Variants in TMPRSS15 observed in about 807,000 individuals in gnomAD.
TMPRSS15 encodes enteropeptidase.
TMPRSS15 carries 128 observed loss-of-function variants against 125.3 expected under a neutral mutation model. That is an observed-to-expected ratio of 1.02 (90% CI 0.89 to 1.18). TMPRSS15 has a LOEUF of 1.18. Ranked by LOEUF, TMPRSS15 falls within the 50% of genes most tolerant of loss-of-function variation. The pLI is 0.00. For missense variants in TMPRSS15, 1,283 were observed against 1,212.7 expected (o/e 1.06, Z -0.86); for synonymous variants, 446 against 423.2 (o/e 1.05, Z -0.66).
rs541970861 is a variant in TMPRSS15, at chr21:18,295,238, C to T, written c.2262-586G>A. Among the ~76,000 whole-genome samples the T allele has an allele frequency of 2.6e-5, 4 of 152,306 alleles. No individual in the cohort carries two copies. The South Asian group carries it at 6.2e-4, about 24-fold the overall frequency. ...TAAAAGAAAGCACAGGCAAAAATTA[C>T]TGAAAACTCATCACCTGCTTAGAAA... On this transcript the variant is annotated intron_variant, in intron 19 of 24. Coordinates refer to ENST00000284885, the MANE Select transcript of TMPRSS15 (RefSeq NM_002772.3).
At chr21:18,365,743 C>CT (rs36165986) in intron 6 of TMPRSS15, among the ~76,000 whole-genome samples, 20,488 of 83,838 alleles carry the variant, frequency 0.24, 3,318 homozygotes, top group Non-Finnish European at 0.3. Flanking sequence ...CTCTTTTTTC[C>CT]TTTTTTTTTT....
chr21:18,297,974 T>C (rs2074926117), intron 18 of TMPRSS15, 145 bp from the exon 19 acceptor site: 7 of 619,396 alleles, frequency 1.1e-5, no homozygotes, highest in Non-Finnish European at 1.7e-5. Context: ...ATATAAAACT[T>C]CATGTGTTTT....
intron 1 of TMPRSS15, among the ~76,000 whole-genome samples, chr21:18,470,445 G>A (rs890196465): frequency 6.6e-6 from 1 of 151,950 alleles, no homozygotes; most frequent in Admixed American, 6.6e-5. Context: ...TAGATGACAC[G>A]AAGAACTCTT....
At position 18,352,960 on chromosome 21, in the gene TMPRSS15, T is replaced by A; in HGVS notation, c.1114A>T (p.Ser372Cys). ...DDNEWERIQG[S>C]TFSPFTGPNF... is the part of the protein sequence containing the mutation. ...GGTCCAGTAAAAGGAGAAAAGGTGCTTCCCTGAATCCTTTCCCATTCATTA... is the reference window on the plus strand; with the variant it reads ...GGTCCAGTAAAAGGAGAAAAGGTGCATCCCTGAATCCTTTCCCATTCATTA... The change falls in exon 10 of 25, where the codon AGC (serine) becomes TGC (cysteine). Residue 372 changes from serine to cysteine, a missense_variant. Transcript: ENST00000284885. 1 of 1,612,464 alleles carries A rather than the reference T, an allele frequency of 6.2e-7. No individual in the cohort carries two copies. Among genetic ancestry groups the A allele is most frequent in the South Asian group, 1.1e-5 (1 of 91,052 alleles).
chr21:18,438,457 C>T (rs1026603069), intron 1 of TMPRSS15, among the ~76,000 whole-genome samples: 14 of 151,864 alleles, frequency 9.2e-5, no homozygotes, highest in African/African-American at 3.1e-4. Flanking sequence ...GCACATGTCC[C>T]CTAAAACTTA....
chr21:18,447,627 T>G (rs1471883558), intron 1 of TMPRSS15, among the ~76,000 whole-genome samples: 4 of 152,124 alleles, frequency 2.6e-5, no homozygotes, highest in African/African-American at 9.7e-5. Flanking sequence ...GTTACCTCCA[T>G]GCTCTTCTGT....
At chr21:18,398,461 G>A (rs2076062488) in intron 1 of TMPRSS15, 132 bp from the exon 2 acceptor site, 3 of 872,650 alleles carry the variant, frequency 3.4e-6, no homozygotes, top group Middle Eastern at 6.9e-4. Flanking sequence ...CTTTTTCTTT[G>A]TAGTCTCATG....
intron 1 of TMPRSS15, among the ~76,000 whole-genome samples, chr21:18,413,916 C>T (rs1344523598): frequency 1.3e-5 from 2 of 152,180 alleles, no homozygotes; most frequent in African/African-American, 4.8e-5. Flanking sequence ...TTTGTAGAGA[C>T]AGGCTCATAA....
intron 21 of TMPRSS15, among the ~76,000 whole-genome samples, chr21:18,281,531 C>T (rs1225883870): frequency 6.6e-6 from 1 of 152,136 alleles, no homozygotes; most frequent in Non-Finnish European, 1.5e-5. Flanking sequence ...AATGCTGACA[C>T]CTACTTCCCC....
At chr21:18,360,390 A>G (rs115118612) in intron 7 of TMPRSS15, among the ~76,000 whole-genome samples, 1,557 of 152,222 alleles carry the variant, frequency 0.01, 34 homozygotes, top group African/African-American at 0.035. Context: ...TGCTGAAATG[A>G]ACATGGGAGT....
chr21:18,280,890 C>T (rs994045338), intron 22 of TMPRSS15, 150 bp downstream of exon 22: 5 of 825,474 alleles, frequency 6.1e-6, no homozygotes, highest in Admixed American at 2.4e-5. Context: ...ATATTTCTCT[C>T]TACTCCCTAA....
upstream of TMPRSS15, among the ~76,000 whole-genome samples, chr21:18,404,771 C>T (rs1047908092): frequency 6.6e-6 from 1 of 152,048 alleles, no homozygotes; most frequent in African/African-American, 2.4e-5. Context: ...ACAGTAGCTG[C>T]TTTTCTTCTT....
rs2076057757 is a variant in TMPRSS15, at chr21:18,398,187, T to C, written c.276+12A>G. On this transcript the variant is annotated intron_variant, in intron 2 of 24. Transcript: ENST00000284885. ...GTGTTATAAAATTTGAAACCAGCTGTCAGTCTCCTACCATTTGCTGAAGGT... is the reference window on the plus strand; with the variant it reads ...GTGTTATAAAATTTGAAACCAGCTGCCAGTCTCCTACCATTTGCTGAAGGT... 2 of 1,613,740 alleles carry C rather than the reference T, an allele frequency of 1.2e-6. No homozygotes were observed. The highest frequency in any genetic ancestry group is 1.3e-5 in the African/African-American group (1 of 75,046).
At chr21:18,337,565 C>G (rs540186307) in intron 13 of TMPRSS15, among the ~76,000 whole-genome samples, 4,552 of 152,218 alleles carry the variant, frequency 0.03, 109 homozygotes, top group Middle Eastern at 0.085. Context: ...AGAATCAATG[C>G]AGCAGAAAGT....
chr21:18,441,593 C>G (rs2076241603), intron 1 of TMPRSS15, among the ~76,000 whole-genome samples: 1 of 104,508 alleles, frequency 9.6e-6, no homozygotes, highest in South Asian at 3.3e-4. Context: ...GGTGACAGAG[C>G]AAGACTCCAT....
At chr21:18,339,810 C>T (rs1294140289) in intron 13 of TMPRSS15, among the ~76,000 whole-genome samples, 4 of 152,106 alleles carry the variant, frequency 2.6e-5, no homozygotes, top group Non-Finnish European at 5.9e-5. Context: ...AACCCCTAAT[C>T]TGAAAGTAGT....
chr21:18,391,856 C>G (rs1447478850), intron 3 of TMPRSS15, among the ~76,000 whole-genome samples: 1 of 152,242 alleles, frequency 6.6e-6, no homozygotes, highest in Non-Finnish European at 1.5e-5. Context: ...GAAATCTAGG[C>G]AGAGGTTCCC....
At chr21:18,363,105 T>A (rs1243683265) in intron 7 of TMPRSS15, among the ~76,000 whole-genome samples, 2 of 152,124 alleles carry the variant, frequency 1.3e-5, no homozygotes, top group African/African-American at 4.8e-5. Context: ...TTGTCTTTAG[T>A]CTCATCTGAT....
intron 19 of TMPRSS15, 62 bp from the exon 20 acceptor site, chr21:18,294,714 C>T: frequency 7.1e-7 from 1 of 1,408,972 alleles, no homozygotes; most frequent in Admixed American, 1.7e-5. Context: ...AGTCAAACAT[C>T]ATATAGGTTA....
Sources: allele counts gnomAD v4.1 joint callset (sites outside exome capture counted in the v4.1 genomes callset), GRCh38; gene constraint gnomAD v4.1.1; transcripts MANE v1.5; gene names NCBI Gene and HGNC (gene_info 2026-07-23, HGNC 2026-07-21).